The following HEMK2 variants were observed in gnomAD, a reference collection of about 807,000 sequenced individuals.
The protein encoded by HEMK2 is HemK methyltransferase 2, ETF1 glutamine and histone H4 lysine, also known as methyltransferase HEMK2.
the HEMK2 span, among the ~76,000 whole-genome samples, chr21:28,672,653 GA>G: frequency 6.6e-6 from 1 of 152,024 alleles, no homozygotes; most frequent in East Asian, 1.9e-4. Flanking sequence ...AATGTAGAGA[GA>G]ATATTTAAAG....
chr21:28,734,692 G>A, the HEMK2 span, among the ~76,000 whole-genome samples: 1 of 152,142 alleles, frequency 6.6e-6, no homozygotes, highest in Admixed American at 6.5e-5. Flanking sequence ...TGAAATGGGT[G>A]GGTCTCATCA....
chr21:28,730,045 T>C, the HEMK2 span, among the ~76,000 whole-genome samples: 2 of 152,104 alleles, frequency 1.3e-5, no homozygotes, highest in African/African-American at 4.8e-5. Context: ...TAGTTATCTA[T>C]TGCTTTGTAA....
the HEMK2 span, among the ~76,000 whole-genome samples, chr21:28,865,794 A>G: frequency 0.014 from 1,193 of 85,902 alleles, 7 homozygotes; most frequent in Middle Eastern, 0.021. Context: ...AGCCATTATC[A>G]ATTCTAGGAT....
the HEMK2 span, among the ~76,000 whole-genome samples, chr21:28,768,617 C>T: frequency 1.3e-5 from 2 of 152,132 alleles, no homozygotes; most frequent in Non-Finnish European, 2.9e-5. Flanking sequence ...AGAGGCAGAT[C>T]CTCGTCGGTC....
chr21:28,712,239 A>G, the HEMK2 span, among the ~76,000 whole-genome samples: 1 of 152,122 alleles, frequency 6.6e-6, no homozygotes, highest in Non-Finnish European at 1.5e-5. Flanking sequence ...CTCCCTCAAA[A>G]GCACTTCCTG....
At chr21:28,767,705 A>G in the HEMK2 span, among the ~76,000 whole-genome samples, 1 of 152,152 alleles carries the variant, frequency 6.6e-6, no homozygotes, top group Admixed American at 6.5e-5. Flanking sequence ...TCTATAGTCA[A>G]GTCATATCAT....
At chr21:28,642,862 T>A in the HEMK2 span, among the ~76,000 whole-genome samples, 1 of 152,174 alleles carries the variant, frequency 6.6e-6, no homozygotes, top group East Asian at 1.9e-4. Flanking sequence ...CAGCCACTTG[T>A]GTTGCTCTGC....
chr21:28,629,925 T>TC, the HEMK2 span, among the ~76,000 whole-genome samples: 5 of 97,196 alleles, frequency 5.1e-5, no homozygotes, highest in Non-Finnish European at 9.3e-5. Context: ...TTGCTCAGTT[T>TC]CTTTTTTTTT....
chr21:28,778,677 C>A, the HEMK2 span, among the ~76,000 whole-genome samples: 1 of 152,178 alleles, frequency 6.6e-6, no homozygotes, highest in Admixed American at 6.5e-5. Flanking sequence ...CAGTGGCTAA[C>A]AATGAATATC....
chr21:28,644,803 T>G, the HEMK2 span, among the ~76,000 whole-genome samples: 8 of 152,316 alleles, frequency 5.3e-5, no homozygotes, highest in Admixed American at 3.3e-4. Context: ...CCAGGCAATG[T>G]AAAATACTGG....
chr21:28,838,972 A>AAAAAATATATAT, the HEMK2 span, among the ~76,000 whole-genome samples: 7 of 29,152 alleles, frequency 2.4e-4, no homozygotes, highest in Non-Finnish European at 3.4e-4. Context: ...AAAAAAAAAA[A>AAAAAATATATAT]ATATATATAT....
At chr21:28,668,485 A>G in the HEMK2 span, among the ~76,000 whole-genome samples, 2 of 152,202 alleles carry the variant, frequency 1.3e-5, no homozygotes, top group African/African-American at 4.8e-5. Flanking sequence ...GGCAGAGGGA[A>G]GGAACACAAG....
the HEMK2 span, among the ~76,000 whole-genome samples, chr21:28,695,378 C>T: frequency 6.6e-6 from 1 of 152,052 alleles, no homozygotes; most frequent in Non-Finnish European, 1.5e-5. Context: ...TTAGTCTGTT[C>T]TCACACTGCT....
At chr21:28,628,733 C>T in the HEMK2 span, among the ~76,000 whole-genome samples, 5 of 152,338 alleles carry the variant, frequency 3.3e-5, no homozygotes, top group East Asian at 5.8e-4. Context: ...GGATTACAGG[C>T]GTGAGCCACC....
the HEMK2 span, among the ~76,000 whole-genome samples, chr21:28,662,605 T>C: frequency 2.6e-4 from 40 of 152,284 alleles, no homozygotes; most frequent in Admixed American, 5.2e-4. Context: ...GGGAGGTAAT[T>C]GGATCGTGGA....
the HEMK2 span, among the ~76,000 whole-genome samples, chr21:28,665,531 T>C: frequency 6.6e-6 from 1 of 151,594 alleles, no homozygotes; most frequent in African/African-American, 2.4e-5. Context: ...CGCACCAACA[T>C]GGCACATGTA....
chr21:28,870,741 TAA>T, the HEMK2 span, among the ~76,000 whole-genome samples: 1 of 152,354 alleles, frequency 6.6e-6, no homozygotes, highest in African/African-American at 2.4e-5. Context: ...AAGCATGTTT[TAA>T]ATTTTGTAAA....
chr21:28,851,923 G>A, the HEMK2 span, among the ~76,000 whole-genome samples: 1 of 152,174 alleles, frequency 6.6e-6, no homozygotes, highest in African/African-American at 2.4e-5. Flanking sequence ...CAAGTACCTG[G>A]TACATACCAG....
At chr21:28,620,757 T>A in the HEMK2 span, among the ~76,000 whole-genome samples, 246 of 133,442 alleles carry the variant, frequency 1.8e-3, no homozygotes, top group African/African-American at 6.6e-3. Context: ...CACTGCAACC[T>A]CCACCTCCCG....
Sources: gnomAD v4.1 joint callset for allele counts (sites outside exome capture counted in the v4.1 genomes callset) on GRCh38, gnomAD v4.1.1 for gene constraint, MANE v1.5 for transcripts, NCBI Gene and HGNC (gene_info 2026-07-23, HGNC 2026-07-21) for gene names.